Variants in PTPN22 observed in about 807,000 individuals in gnomAD.
PTPN22 encodes the protein tyrosine-protein phosphatase non-receptor type 22.
PTPN22 carries 85 observed loss-of-function variants against 103.3 expected under a neutral mutation model. The ratio of observed to expected loss-of-function variants is 0.82; its 90% CI spans 0.69 to 0.99. The LOEUF (loss-of-function observed/expected upper bound fraction) is 0.99, where lower values mean the gene tolerates loss of function less well. Among genes scored for constraint, PTPN22 ranks in the 50% least tolerant of loss-of-function variants. The probability of loss-of-function intolerance (pLI) is 0.00; values close to 1 mark genes in which losing one functional copy is unlikely to be tolerated. For synonymous variants in PTPN22, 323 were observed against 310.2 expected, an observed-to-expected ratio of 1.04 and a Z score of -0.43; for missense variants, 865 against 936.9, an observed-to-expected ratio of 0.92 and a Z score of 1.00.
intron 19 of PTPN22, among the ~76,000 whole-genome samples, chr1:113,820,850 T>A (rs1661535311): frequency 6.6e-6 from 1 of 152,118 alleles, no homozygotes. Flanking sequence ...ATACTAGGAT[T>A]CTAGAAACAC....
rs185411520 is a variant in PTPN22, at chr1:113,821,095, A to C, written c.2282-1441T>G. Among the ~76,000 whole-genome samples, 44 of 152,252 alleles carry C rather than the reference A, an allele frequency of 2.9e-4. No individual in the cohort carries two copies. In the East Asian group the frequency reaches 4.8e-3, roughly 17 times the overall value. Reference sequence around the variant, plus strand: ...GTAGGCACTGAAGATAGAGACATTAATAGAAAGTAGTAAAGGTGAGGAAGT... The same window carrying C: ...GTAGGCACTGAAGATAGAGACATTACTAGAAAGTAGTAAAGGTGAGGAAGT... On this transcript the variant is annotated intron_variant, in intron 19 of 20. Coordinates refer to ENST00000359785, the Ensembl canonical transcript of PTPN22.
intron 16 of PTPN22, among the ~76,000 whole-genome samples, chr1:113,830,961 TACAC>T (rs1436335224): frequency 1.3e-5 from 2 of 152,180 alleles, no homozygotes; most frequent in Admixed American, 6.5e-5. Context: ...TGCTAGGTAA[TACAC>T]ACAAGTGTAG....
chr1:113,843,601 T>G (rs868581125), intron 11 of PTPN22, among the ~76,000 whole-genome samples: 1 of 152,094 alleles, frequency 6.6e-6, no homozygotes, highest in Non-Finnish European at 1.5e-5. Context: ...GTTCCAGAAA[T>G]AGTGATAGTC....
intron 20 of PTPN22, among the ~76,000 whole-genome samples, chr1:113,817,460 C>CAG (rs1052783712): frequency 3.3e-5 from 5 of 151,836 alleles, no homozygotes; most frequent in Admixed American, 6.6e-5. Context: ...TTTTCCAAGA[C>CAG]AGAGTCTTGT....
chr1:113,821,962 A>G (rs1360464224), intron 19 of PTPN22, among the ~76,000 whole-genome samples: 2 of 152,234 alleles, frequency 1.3e-5, no homozygotes, highest in African/African-American at 4.8e-5. Context: ...AGTCAAGACA[A>G]TCAGACCCAG....
intron 19 of PTPN22, among the ~76,000 whole-genome samples, chr1:113,820,491 G>A (rs925563130): frequency 1.3e-5 from 2 of 151,938 alleles, no homozygotes; most frequent in African/African-American, 2.4e-5. Context: ...TTATTATTTA[G>A]GCCAATAATC....
At chr1:113,864,359 C>G in intron 1 of PTPN22, 2 of 314,662 alleles carry the variant, frequency 6.4e-6, no homozygotes, top group South Asian at 4.6e-5. Flanking sequence ...CACGGCACTC[C>G]AGCCTGGGTG....
At chr1:113,843,286 A>ATGTGTG (rs35997994) in intron 11 of PTPN22, among the ~76,000 whole-genome samples, 2,732 of 149,850 alleles carry the variant, frequency 0.018, 67 homozygotes, top group African/African-American at 0.054. Context: ...GATAAACAAA[A>ATGTGTG]TGTGTGTGTG....
At chr1:113,864,722 C>T (rs1330402378) in intron 1 of PTPN22, among the ~76,000 whole-genome samples, 4 of 150,542 alleles carry the variant, frequency 2.7e-5, no homozygotes, top group African/African-American at 9.9e-5. Flanking sequence ...ACCATCCTGG[C>T]TAACACAGTG....
chr1:113,836,470 G>A (rs183710762), intron 13 of PTPN22, among the ~76,000 whole-genome samples: 1 of 152,214 alleles, frequency 6.6e-6, no homozygotes, highest in Admixed American at 6.5e-5. Flanking sequence ...CTACAAAAGA[G>A]CAAGAAATCA....
intron 11 of PTPN22, among the ~76,000 whole-genome samples, chr1:113,846,041 T>G (rs971301884): frequency 1.3e-5 from 2 of 152,244 alleles, no homozygotes; most frequent in Non-Finnish European, 2.9e-5. Flanking sequence ...AGACAACATA[T>G]AGTTGAATTG....
chr1:113,857,440 A>G (rs537520176), intron 5 of PTPN22: 8 of 263,632 alleles, frequency 3.0e-5, no homozygotes, highest in African/African-American at 1.3e-4. Flanking sequence ...CAGGATTAAA[A>G]GCTCTGGCTG....
intron 20 of PTPN22, among the ~76,000 whole-genome samples, chr1:113,816,442 A>AG (rs921582985): frequency 1.1e-4 from 3 of 27,096 alleles, no homozygotes; most frequent in African/African-American, 1.0e-3. Flanking sequence ...AAAAGAATTG[A>AG]AAAAAAAAAA....
At chr1:113,868,575 T>G (rs1382091217) in intron 1 of PTPN22, among the ~76,000 whole-genome samples, 1 of 152,158 alleles carries the variant, frequency 6.6e-6, no homozygotes, top group Non-Finnish European at 1.5e-5. Context: ...AAGACTCTAT[T>G]TTTCCACTGG....
exon 13 of PTPN22, chr1:113,838,060 G>T (rs112191110): frequency 1.2e-6 from 2 of 1,613,722 alleles, no homozygotes; most frequent in East Asian, 2.2e-5. Context: ...AGTTGATTTG[G>T]TCCGTGTTAT....
intron 1 of PTPN22, among the ~76,000 whole-genome samples, chr1:113,865,750 C>A (rs1398035205): frequency 6.6e-6 from 1 of 152,082 alleles, no homozygotes; most frequent in Non-Finnish European, 1.5e-5. Context: ...AAAATATATT[C>A]ATATTAGTGT....
chr1:113,835,189 G>T (rs1037376367), intron 13 of PTPN22, among the ~76,000 whole-genome samples, 196 bp from the exon 14 acceptor site: 1 of 152,144 alleles, frequency 6.6e-6, no homozygotes, highest in African/African-American at 2.4e-5. Context: ...AACCCAGGAG[G>T]TTTTTGCTTA....
intron 5 of PTPN22, 64 bp downstream of exon 5, chr1:113,857,674 A>G (rs1665197254): frequency 7.4e-6 from 11 of 1,478,398 alleles, no homozygotes; most frequent in African/African-American, 1.4e-5. Context: ...TCTGCTGCCA[A>G]TTTCCCTCTC....
chr1:113,832,515 C>T (rs952665921), intron 16 of PTPN22, among the ~76,000 whole-genome samples: 3 of 152,164 alleles, frequency 2.0e-5, no homozygotes, highest in African/African-American at 7.2e-5. Context: ...CTTGCTCTGT[C>T]ATACAGGCTG....
Sources: allele counts gnomAD v4.1 joint callset (sites outside exome capture counted in the v4.1 genomes callset), GRCh38; gene constraint gnomAD v4.1.1; transcripts MANE v1.5; gene names NCBI Gene and HGNC (gene_info 2026-07-23, HGNC 2026-07-21).